PDE1C: variants seen among roughly 807,000 people sequenced by gnomAD.
PDE1C encodes phosphodiesterase 1C.
In PDE1C, 62 loss-of-function variants were observed where a neutral mutation model predicts 93.1. The observed-to-expected ratio is 0.67, with a 90% CI of 0.54 to 0.82. The LOEUF (loss-of-function observed/expected upper bound fraction) is 0.82. Ranked by LOEUF, PDE1C falls within the 40% of genes least tolerant of loss-of-function variation. The pLI is 0.00. For synonymous variants in PDE1C, 325 were observed against 310.1 expected, an observed-to-expected ratio of 1.05 and a Z score of -0.50; for missense variants, 742 against 884.6, an observed-to-expected ratio of 0.84 and a Z score of 2.04.
At chr7:31,722,788 G>A in the PDE1C span, among the ~76,000 whole-genome samples, 29 of 152,124 alleles carry the variant, frequency 1.9e-4, no homozygotes, top group Non-Finnish European at 3.4e-4. Flanking sequence ...GGAAGCAGGG[G>A]GATGGTATGA....
At chr7:32,363,576 G>T (rs963116760) in intron 1 of PDE1C, among the ~76,000 whole-genome samples, 1 of 152,216 alleles carries the variant, frequency 6.6e-6, no homozygotes, top group South Asian at 2.1e-4. Flanking sequence ...CACACTTACA[G>T]GAAGATTTCC....
At chr7:31,841,479 T>C (rs1197721043) in intron 9 of PDE1C, among the ~76,000 whole-genome samples, 1 of 152,086 alleles carries the variant, frequency 6.6e-6, no homozygotes, top group Non-Finnish European at 1.5e-5. Flanking sequence ...TATTTCACCA[T>C]TAAGCTTGAT....
exon 1 of PDE1C, chr7:32,298,789 C>T: frequency 6.5e-7 from 1 of 1,539,212 alleles, no homozygotes; most frequent in Non-Finnish European, 8.7e-7. Flanking sequence ...GTCTGCGGTC[C>T]CCCCCACGGC....
intron 17 of PDE1C, among the ~76,000 whole-genome samples, chr7:31,757,777 C>A (rs1030677297): frequency 6.6e-6 from 1 of 152,186 alleles, no homozygotes; most frequent in Admixed American, 6.5e-5. Flanking sequence ...TACCACTTGA[C>A]CCAGCCATCC....
the PDE1C span, among the ~76,000 whole-genome samples, chr7:31,721,430 A>G: frequency 6.6e-6 from 1 of 152,192 alleles, no homozygotes; most frequent in Non-Finnish European, 1.5e-5. Context: ...CAAGGAACTA[A>G]AGGTTTAATT....
intron 7 of PDE1C, among the ~76,000 whole-genome samples, chr7:31,863,050 A>C (rs539791486): frequency 6.6e-6 from 1 of 152,282 alleles, no homozygotes; most frequent in South Asian, 2.1e-4. Context: ...ATTGCTTTGA[A>C]TTTATAGATT....
At chr7:31,651,172 AC>A in the PDE1C span, 1 of 1,613,534 alleles carries the variant, frequency 6.2e-7, no homozygotes, top group South Asian at 1.1e-5. Flanking sequence ...AGCCATGAAG[AC>A]GATATGCCAA....
intron 2 of PDE1C, among the ~76,000 whole-genome samples, chr7:32,041,772 T>C (rs1284170977): frequency 6.6e-6 from 1 of 152,168 alleles, no homozygotes; most frequent in Non-Finnish European, 1.5e-5. Context: ...ATTACTTAAA[T>C]ATAGCTTGTT....
intron 1 of PDE1C, among the ~76,000 whole-genome samples, chr7:32,393,701 T>C (rs1246960160): frequency 6.6e-6 from 1 of 152,216 alleles, no homozygotes; most frequent in Admixed American, 6.5e-5. Flanking sequence ...AGACTTTATA[T>C]AGTTTATTTA....
At chr7:31,853,200 G>A (rs1793560917) in intron 7 of PDE1C, among the ~76,000 whole-genome samples, 1 of 152,008 alleles carries the variant, frequency 6.6e-6, no homozygotes, top group Non-Finnish European at 1.5e-5. Flanking sequence ...ACAATGAATG[G>A]TTAAACAGGC....
intron 2 of PDE1C, among the ~76,000 whole-genome samples, chr7:32,020,134 C>T (rs1280280454): frequency 6.6e-6 from 1 of 152,118 alleles, no homozygotes; most frequent in East Asian, 1.9e-4. Context: ...CTTCTACCTT[C>T]AGTGGTCAGC....
the PDE1C span, among the ~76,000 whole-genome samples, chr7:31,739,841 G>T: frequency 6.6e-6 from 1 of 152,150 alleles, no homozygotes; most frequent in Non-Finnish European, 1.5e-5. Flanking sequence ...CCAAAATGGT[G>T]GTCTCAAACA....
chr7:32,413,252 G>A (rs111237257), intron 1 of PDE1C, among the ~76,000 whole-genome samples: 4,586 of 152,192 alleles, frequency 0.03, 235 homozygotes, highest in African/African-American at 0.11. Flanking sequence ...GTAGACAGAT[G>A]GATAGATAAA....
At chr7:32,381,050 C>T (rs370188142) in intron 1 of PDE1C, among the ~76,000 whole-genome samples, 9 of 151,988 alleles carry the variant, frequency 5.9e-5, no homozygotes, top group African/African-American at 2.2e-4. Context: ...TCCTCTCCCC[C>T]AGTCTTCTTC....
At chr7:31,694,384 T>A in the PDE1C span, among the ~76,000 whole-genome samples, 5,279 of 98,106 alleles carry the variant, frequency 0.054, 307 homozygotes, top group African/African-American at 0.21. Flanking sequence ...TCTCTCTCTC[T>A]CAAACACACA....
chr7:32,412,455 C>CA (rs34753013), intron 1 of PDE1C, among the ~76,000 whole-genome samples: 305 of 85,372 alleles, frequency 3.6e-3, no homozygotes, highest in East Asian at 4.8e-3. Flanking sequence ...GACCCTGTCT[C>CA]AAAAAAAAAA....
chr7:32,178,420 A>G (rs186464954), intron 2 of PDE1C, among the ~76,000 whole-genome samples: 5 of 152,362 alleles, frequency 3.3e-5, no homozygotes, highest in Non-Finnish European at 5.9e-5. Flanking sequence ...AATGAAAAAT[A>G]AAAACTCCCC....
At chr7:31,715,142 C>T in the PDE1C span, among the ~76,000 whole-genome samples, 1 of 152,034 alleles carries the variant, frequency 6.6e-6, no homozygotes, top group African/African-American at 2.4e-5. Flanking sequence ...AATATTCCAA[C>T]AATTGTAATC....
the PDE1C span, among the ~76,000 whole-genome samples, chr7:31,694,393 C>A: frequency 2.0e-5 from 3 of 151,564 alleles, no homozygotes; most frequent in Non-Finnish European, 4.4e-5. Context: ...CTCAAACACA[C>A]ACACACACAC....
Sources: allele counts gnomAD v4.1 joint callset (sites outside exome capture counted in the v4.1 genomes callset), GRCh38; gene constraint gnomAD v4.1.1; transcripts MANE v1.5; gene names NCBI Gene and HGNC (gene_info 2026-07-23, HGNC 2026-07-21).